COG4: variants seen among roughly 807,000 people sequenced by gnomAD.
COG4 encodes the protein conserved oligomeric Golgi complex subunit 4.
In COG4, 65 loss-of-function variants were observed where a neutral mutation model predicts 95.1. The ratio of observed to expected loss-of-function variants is 0.68; its 90% confidence interval spans 0.56 to 0.84. COG4 has a LOEUF of 0.84. Ranked by LOEUF, COG4 falls within the 40% of genes least tolerant of loss-of-function variation. The pLI, the probability that COG4 is intolerant of heterozygous loss-of-function variation, is 0.00. For missense variants in COG4, 1,045 were observed against 989.1 expected (o/e 1.06, Z -0.76); for synonymous variants, 421 against 374.8 (o/e 1.12, Z -1.42).
Position 70,514,427 on chromosome 16 carries a change from C to T in COG4, c.452G>A (p.Arg151Lys). 1 of 1,614,064 alleles carries T rather than the reference C, an allele frequency of 6.2e-7. No individual in the cohort carries two copies. The highest frequency in any genetic ancestry group is 1.3e-5 in the African/African-American group (1 of 75,032). ...TGCAGCCTGCTCATAATCTTCACTCCTCAAAGCAGTCTGAACTCCATCCAT... is the reference window on the plus strand; with the variant it reads ...TGCAGCCTGCTCATAATCTTCACTCTTCAAAGCAGTCTGAACTCCATCCAT... The part of the protein sequence containing the change: ...FCMDGVQTAL[R>K]SEDYEQAAAH... Residue 151 changes from arginine (R) to lysine (K), a missense_variant, in exon 4 of 19, where the codon AGG becomes AAG. Coordinates refer to ENST00000323786, the MANE Select transcript of COG4 (RefSeq NM_015386.3).
intron 9 of COG4, 25 bp downstream of exon 9, chr16:70,500,933 C>T (rs2049436096): frequency 6.2e-7 from 1 of 1,613,744 alleles, no homozygotes; most frequent in African/African-American, 1.3e-5. Context: ...TCAACCCTCC[C>T]CAAAAATATG....
chr16:70,508,609 G>C lies in COG4; in HGVS notation c.1003-145C>G, dbSNP rs1159355457. ...TACCTTCCCTTCAAGCCAGCAGTGG[G>C]CTTTCAGGATGACAGGCCAAAGATT... On this transcript the variant is annotated intron_variant, in intron 7 of 18. Coordinates refer to ENST00000323786, the MANE Select transcript of COG4 (RefSeq NM_015386.3). The C allele has an allele frequency of 5.4e-6, 4 of 744,018 alleles. No individual in the cohort carries two copies. In the East Asian group the frequency reaches 8.0e-5, roughly 15 times the overall value. The allele number at this position is 744,018 out of a possible 1,614,324, so 46.1% of individuals were successfully genotyped here.
Position 70,523,507 on chromosome 16 carries a change from T to C in COG4, c.37A>G (p.Lys13Glu). ...GACGGCTGCTGCACCCCTGACAGCT[T>C]CGGAGGCGAATCAAGGTCCGCCATC... ...TKMADLDSPP[K>E]LSGVQQPSEG... Residue 13 changes from lysine (K) to glutamate (E), a missense_variant, in exon 1 of 19, where the codon AAG becomes GAG. By Grantham distance (56) the Lys-to-Glu change is moderately conservative. Coordinates refer to ENST00000323786, the MANE Select transcript of COG4 (RefSeq NM_015386.3). The C allele has an allele frequency of 1.9e-6, 3 of 1,614,048 alleles. No individual in the cohort carries two copies. The highest frequency in any genetic ancestry group is 2.5e-6 in the Non-Finnish European group (3 of 1,180,020).
At chr16:70,513,965 T>A (rs977046410) in intron 4 of COG4, among the ~76,000 whole-genome samples, 2 of 152,142 alleles carry the variant, frequency 1.3e-5, no homozygotes, top group Non-Finnish European at 2.9e-5. Flanking sequence ...CCCAGCACTT[T>A]GGGAGGCCAA....
intron 13 of COG4, among the ~76,000 whole-genome samples, chr16:70,485,341 C>A (rs1376150849): frequency 1.3e-5 from 2 of 150,996 alleles, no homozygotes; most frequent in Non-Finnish European, 3.0e-5. Context: ...GTAGCTGGGA[C>A]TACAGGCGCC....
intron 1 of COG4, among the ~76,000 whole-genome samples, chr16:70,521,979 G>A (rs963818652): frequency 1.1e-4 from 17 of 151,366 alleles, no homozygotes; most frequent in Admixed American, 1.1e-3. Context: ...GGGGTTACAG[G>A]AGTGAGCCAC....
At position 70,519,202 on chromosome 16, in the gene COG4, T is replaced by C. The variant is rs553960896; in HGVS notation, c.254+447A>G. 3.8e-3 allele frequency among the ~76,000 whole-genome samples: 141 copies of C among 37,234 alleles called. 50 individuals are homozygous for C. The African/African-American group carries it at 0.12, about 31-fold the overall frequency. The allele number at this position is 37,234 out of a possible 152,430, so 24.4% of individuals were successfully genotyped here. On this transcript the variant is annotated intron_variant, in intron 2 of 18. Transcript: ENST00000323786. ...ACTGCAGTGGCGCAATCTCGGCTCA[T>C]TGCAAGCTCCGCTTCCCCGGGTTCA...
intron 15 of COG4, 96 bp from the exon 16 acceptor site, chr16:70,482,271 A>T: frequency 1.2e-6 from 1 of 850,640 alleles, no homozygotes; most frequent in Admixed American, 1.8e-5. Flanking sequence ...AATGTAAAAC[A>T]TTCTTCCTTC....
chr16:70,502,369 C>T (rs61708627), intron 8 of COG4, among the ~76,000 whole-genome samples: 6 of 144,132 alleles, frequency 4.2e-5, no homozygotes, highest in South Asian at 2.3e-4. Flanking sequence ...CTGAGGTGGG[C>T]GGATCACCTG....
intron 8 of COG4, among the ~76,000 whole-genome samples, chr16:70,502,958 T>C (rs959804986): frequency 6.6e-6 from 1 of 152,182 alleles, no homozygotes; most frequent in African/African-American, 2.4e-5. Context: ...ACAACTGAGA[T>C]CCACATGAAA....
At chr16:70,522,224 G>A (rs2151767745) in intron 1 of COG4, among the ~76,000 whole-genome samples, 1 of 149,862 alleles carries the variant, frequency 6.7e-6, no homozygotes, top group South Asian at 2.1e-4. Context: ...TCGAACTCCT[G>A]ACTCAGGTGA....
chr16:70,497,826 A>C, intron 10 of COG4, 111 bp downstream of exon 10: 1 of 789,856 alleles, frequency 1.3e-6, no homozygotes, highest in East Asian at 2.4e-5. Flanking sequence ...ATCTGCATGC[A>C]AGAGTATTCT....
At chr16:70,511,867 G>A (rs1349502127) in intron 5 of COG4, among the ~76,000 whole-genome samples, 3 of 152,070 alleles carry the variant, frequency 2.0e-5, no homozygotes, top group African/African-American at 7.2e-5. Context: ...GGGAGGTGGA[G>A]GTTGCAGTGA....
In COG4 at chr16:70,496,337, T is replaced by C. The variant is rs2151748706; in HGVS notation, c.1576A>G (p.Ser526Gly). 3.7e-6 allele frequency: 6 copies of C among 1,614,206 alleles called. No homozygotes were observed. The highest frequency in any genetic ancestry group is 5.1e-6 in the Non-Finnish European group (6 of 1,180,028). Residue 526 changes from serine to glycine, a missense_variant, in exon 12 of 19, where the codon AGC becomes GGC. Transcript: ENST00000323786. ...TCAAATTTGCCTTGCTGGAGGCTGC[T>C]GTGCATGATGTTCACGGCACTTGTC... The part of the protein sequence containing the change: ...GVTSAVNIMH[S>G]SLQQGKFDTK...
chr16:70,513,682 A>G (rs1414262649), intron 4 of COG4, among the ~76,000 whole-genome samples: 1 of 152,244 alleles, frequency 6.6e-6, no homozygotes, highest in Non-Finnish European at 1.5e-5. Context: ...GAAGGGACAG[A>G]CAGGGTGGTA....
At chr16:70,511,711 T>C (rs936774582) in intron 5 of COG4, among the ~76,000 whole-genome samples, 15 of 151,964 alleles carry the variant, frequency 9.9e-5, no homozygotes, top group Non-Finnish European at 1.3e-4. Context: ...GGTGGGCGGA[T>C]CACCTGACGT....
At chr16:70,509,812 C>A in intron 6 of COG4, 104 bp downstream of exon 6, 1 of 826,290 alleles carries the variant, frequency 1.2e-6, no homozygotes, top group East Asian at 2.6e-5. Context: ...CAATAAACTA[C>A]ATGATTAAAT....
chr16:70,514,436 G>C lies in COG4; in HGVS notation c.443C>G (p.Thr148Ser). ...CTCATAATCTTCACTCCTCAAAGCA[G>C]TCTGAACTCCATCCATGCAGAACTT... is the stretch of plus-strand genomic sequence containing the variant. ...DLKFCMDGVQ[T>S]ALRSEDYEQA... is the part of the protein sequence containing the mutation. The change falls in exon 4 of 19, where the codon ACT (threonine) becomes AGT (serine). Residue 148 changes from threonine (T) to serine (S), a missense_variant. Thr to Ser is a moderately conservative substitution (Grantham distance 58). Coordinates refer to ENST00000323786, the MANE Select transcript of COG4 (RefSeq NM_015386.3). The C allele has an allele frequency of 6.2e-7, 1 of 1,614,060 alleles. No homozygotes were observed. The highest frequency in any genetic ancestry group is 8.5e-7 in the Non-Finnish European group (1 of 1,179,944).
chr16:70,489,809 C>T (rs2049208542), intron 13 of COG4, among the ~76,000 whole-genome samples: 1 of 151,962 alleles, frequency 6.6e-6, no homozygotes, highest in African/African-American at 2.4e-5. Flanking sequence ...CAACTATGTG[C>T]TGGAAGATCT....
Sources: allele counts gnomAD v4.1 joint callset (sites outside exome capture counted in the v4.1 genomes callset), GRCh38; gene constraint gnomAD v4.1.1; transcripts MANE v1.5; gene names NCBI Gene and HGNC (gene_info 2026-07-23, HGNC 2026-07-21).